Variants in ZMAT4 observed in about 807,000 individuals in gnomAD.
ZMAT4 encodes the protein zinc finger matrin-type 4.
A neutral mutation model predicts 28.7 loss-of-function variants in ZMAT4; 17 were observed. The ratio of observed to expected loss-of-function variants is 0.59; its 90% CI spans 0.41 to 0.89. The LOEUF (loss-of-function observed/expected upper bound fraction) is 0.89, where lower values mean the gene tolerates loss of function less well. Ranked by LOEUF, ZMAT4 falls within the 40% of genes least tolerant of loss-of-function variation. The pLI is 0.00. For synonymous variants in ZMAT4, 117 were observed against 109.2 expected (o/e 1.07, Z -0.44); for missense variants, 240 against 283.8 (o/e 0.85, Z 1.11).
At chr8:40,889,751 A>C (rs542123611) in intron 1 of ZMAT4, among the ~76,000 whole-genome samples, 1 of 152,334 alleles carries the variant, frequency 6.6e-6, no homozygotes, top group South Asian at 2.1e-4. Flanking sequence ...AGGAACCATA[A>C]TATATTTAAT....
chr8:40,855,744 T>C (rs1231354852), intron 1 of ZMAT4, among the ~76,000 whole-genome samples: 4 of 151,978 alleles, frequency 2.6e-5, no homozygotes, highest in Non-Finnish European at 5.9e-5. Flanking sequence ...AGTGTGATCA[T>C]GGCTCACTGC....
At chr8:40,588,811 T>A (rs1804754813) in intron 5 of ZMAT4, among the ~76,000 whole-genome samples, 1 of 152,146 alleles carries the variant, frequency 6.6e-6, no homozygotes, top group Admixed American at 6.6e-5. Flanking sequence ...AGCAAATACT[T>A]AGTGTTAAAA....
intron 4 of ZMAT4, among the ~76,000 whole-genome samples, chr8:40,678,615 G>A (rs1809010725): frequency 6.6e-6 from 1 of 152,160 alleles, no homozygotes; most frequent in African/African-American, 2.4e-5. Context: ...AATTCATTTG[G>A]CATTTCTTAA....
chr8:40,754,044 C>A (rs534249221), intron 3 of ZMAT4, among the ~76,000 whole-genome samples: 1 of 151,836 alleles, frequency 6.6e-6, no homozygotes, highest in Non-Finnish European at 1.5e-5. Flanking sequence ...TGGTGGCACA[C>A]GCCTGTAGTC....
chr8:40,691,684 C>T (rs1306239472), intron 4 of ZMAT4, among the ~76,000 whole-genome samples: 1 of 152,174 alleles, frequency 6.6e-6, no homozygotes, highest in Non-Finnish European at 1.5e-5. Context: ...AATAATATAT[C>T]CATTCCACAC....
chr8:40,559,189 AT>A (rs1290773476), intron 6 of ZMAT4, among the ~76,000 whole-genome samples: 1 of 152,040 alleles, frequency 6.6e-6, no homozygotes, highest in African/African-American at 2.4e-5. Context: ...CAATAGAATG[AT>A]TTCTGTAACT....
intron 5 of ZMAT4, among the ~76,000 whole-genome samples, chr8:40,639,928 T>A (rs1195245146): frequency 6.6e-6 from 1 of 152,124 alleles, no homozygotes; most frequent in African/African-American, 2.4e-5. Flanking sequence ...TGTCTGGTCC[T>A]CTCTCATTCT....
At chr8:40,827,118 C>T (rs1477771816) in intron 1 of ZMAT4, among the ~76,000 whole-genome samples, 3 of 152,188 alleles carry the variant, frequency 2.0e-5, no homozygotes, top group South Asian at 4.1e-4. Context: ...TATGGCCTCG[C>T]TTGCATGATT....
At position 40,676,545 on chromosome 8, in the gene ZMAT4, C is replaced by A. The variant is rs538031220; in HGVS notation, c.350-1614G>T. 1.7e-3 allele frequency among the ~76,000 whole-genome samples: 254 copies of A among 152,190 alleles called. 1 individual carries two copies. The highest frequency in any genetic ancestry group is 3.1e-3 in the Non-Finnish European group (209 of 68,010). ...AATAACAAGTTAAGGAACCAATTAACCAACACCCCAAGCTTTCAGGTAACT... is the reference window on the plus strand; with the variant it reads ...AATAACAAGTTAAGGAACCAATTAAACAACACCCCAAGCTTTCAGGTAACT... On this transcript the variant is annotated intron_variant, in intron 4 of 6. Transcript: ENST00000297737.
chr8:40,693,333 A>T (rs1295679009), intron 4 of ZMAT4, among the ~76,000 whole-genome samples: 1 of 151,654 alleles, frequency 6.6e-6, no homozygotes, highest in Non-Finnish European at 1.5e-5. Context: ...CCAGGCTGGT[A>T]TCAAATTCCT....
At chr8:40,752,917 T>A (rs532055134) in intron 3 of ZMAT4, among the ~76,000 whole-genome samples, 1 of 152,142 alleles carries the variant, frequency 6.6e-6, no homozygotes, top group Admixed American at 6.5e-5. Context: ...GGGATACATA[T>A]GCAGAACGTG....
chr8:40,580,237 C>T lies in ZMAT4; in HGVS notation c.674+928G>A, dbSNP rs142313420. On this transcript the variant is annotated intron_variant, in intron 6 of 6. Transcript: ENST00000297737. ...CCGTGTTGGCCAGGATGGTCTCTAT[C>T]TGCTGACCTCCTGATCCGCCCACCT... is the stretch of plus-strand genomic sequence containing the variant. Among the ~76,000 whole-genome samples the T allele has an allele frequency of 8.7e-3, 1,325 of 152,144 alleles. 22 individuals carry two copies. The highest frequency in any genetic ancestry group is 0.031 in the African/African-American group (1,266 of 41,492).
chr8:40,544,477 C>T (rs1355752860), intron 6 of ZMAT4, among the ~76,000 whole-genome samples: 2 of 152,114 alleles, frequency 1.3e-5, no homozygotes, highest in Admixed American at 1.3e-4. Flanking sequence ...GTGTGTCTTA[C>T]CGATTGTCTC....
At chr8:40,719,874 T>G (rs1185530757) in intron 3 of ZMAT4, among the ~76,000 whole-genome samples, 4 of 152,098 alleles carry the variant, frequency 2.6e-5, no homozygotes, top group Non-Finnish European at 4.4e-5. Flanking sequence ...GCCCAGCCCA[T>G]TCAAAGCCTT....
chr8:40,709,028 C>T (rs953836655), intron 3 of ZMAT4, among the ~76,000 whole-genome samples: 1 of 152,098 alleles, frequency 6.6e-6, no homozygotes, highest in Admixed American at 6.6e-5. Flanking sequence ...CCTTCAGTAT[C>T]CATGGGGAAT....
intron 5 of ZMAT4, among the ~76,000 whole-genome samples, chr8:40,632,728 CTG>C (rs1330067261): frequency 6.6e-6 from 1 of 152,184 alleles, no homozygotes; most frequent in African/African-American, 2.4e-5. Context: ...GCCCTACAAA[CTG>C]TGAGATAATC....
chr8:40,753,708 T>C (rs1312939719), intron 3 of ZMAT4, among the ~76,000 whole-genome samples: 1 of 152,194 alleles, frequency 6.6e-6, no homozygotes, highest in Non-Finnish European at 1.5e-5. Flanking sequence ...GACCTCAGGT[T>C]CTAGAGCCAA....
chr8:40,643,768 G>A (rs551325921), intron 5 of ZMAT4, among the ~76,000 whole-genome samples: 46 of 110,932 alleles, frequency 4.1e-4, no homozygotes, highest in Middle Eastern at 4.1e-3. Context: ...AAGAGTGTGC[G>A]TCTGTGTGTT....
In ZMAT4 at chr8:40,674,724, A is replaced by G. The variant is rs758366211; in HGVS notation, c.557T>C (p.Leu186Pro). Residue 186 changes from leucine (L) to proline (P), a missense_variant, in exon 5 of 7, where the codon CTG (leucine) becomes CCG (proline). By Grantham distance (98) the Leu-to-Pro change is moderately conservative (BLOSUM62 -3). Transcript: ENST00000297737. Reference sequence around the variant, plus strand: ...CTTACCTCTCAGTTCCCCCATATCCAGGGTTGTCCCCAGTTGTTCTAACAA... The same window carrying G: ...CTTACCTCTCAGTTCCCCCATATCCGGGGTTGTCCCCAGTTGTTCTAACAA... ...VALLEQLGTTLDMGELRGLRR... is the reference protein window; with the variant it reads ...VALLEQLGTTPDMGELRGLRR... The G allele has an allele frequency of 5.0e-6, 8 of 1,613,774 alleles. No homozygotes were observed. The African/African-American group carries it at 9.3e-5, about 19-fold the overall frequency.
Sources: allele counts gnomAD v4.1 joint callset (sites outside exome capture counted in the v4.1 genomes callset), GRCh38; gene constraint gnomAD v4.1.1; transcripts MANE v1.5; gene names NCBI Gene and HGNC (gene_info 2026-07-23, HGNC 2026-07-21).